The following DSCAM variants were observed in gnomAD, a reference collection of about 807,000 sequenced individuals.
The protein encoded by DSCAM is cell adhesion molecule DSCAM.
Under a neutral mutation model 217.7 loss-of-function variants are expected in DSCAM, and 47 were observed. That is an observed-to-expected ratio of 0.22 (90% CI 0.17 to 0.28). The LOEUF is 0.28. Among genes scored for constraint, DSCAM ranks in the 10% least tolerant of loss-of-function variants. DSCAM has a pLI of 1.00. For synonymous variants in DSCAM, 1,056 were observed against 1,015.3 expected (o/e 1.04, Z -0.76); for missense variants, 2,080 against 2,618.3 (o/e 0.79, Z 4.49).
At chr21:40,679,710 T>A (rs528569330) in intron 3 of DSCAM, among the ~76,000 whole-genome samples, 1 of 152,364 alleles carries the variant, frequency 6.6e-6, no homozygotes, top group Non-Finnish European at 1.5e-5. Flanking sequence ...TATATCATAC[T>A]TTTGCTATTT....
chr21:40,822,460 C>CT (rs948882449), intron 1 of DSCAM, among the ~76,000 whole-genome samples: 1 of 146,588 alleles, frequency 6.8e-6, no homozygotes, highest in Non-Finnish European at 1.5e-5. Context: ...AAAAAAAAGA[C>CT]TTTGTTACTT....
intron 8 of DSCAM, among the ~76,000 whole-genome samples, chr21:40,332,504 C>T (rs1162711822): frequency 6.6e-6 from 1 of 152,198 alleles, no homozygotes; most frequent in African/African-American, 2.4e-5. Flanking sequence ...TAAAAGGTGA[C>T]ATTTTTATCC....
At chr21:40,491,966 A>G (rs1182930044) in intron 3 of DSCAM, among the ~76,000 whole-genome samples, 1 of 152,194 alleles carries the variant, frequency 6.6e-6, no homozygotes, top group Non-Finnish European at 1.5e-5. Context: ...TAATTTACAT[A>G]TTTATTAGGT....
intron 3 of DSCAM, among the ~76,000 whole-genome samples, chr21:40,619,173 G>A (rs1003560267): frequency 6.6e-6 from 1 of 152,110 alleles, no homozygotes; most frequent in African/African-American, 2.4e-5. Flanking sequence ...ATAACAAAAG[G>A]AAGTAAACTT....
chr21:40,747,518 A>G (rs990195094), intron 1 of DSCAM, among the ~76,000 whole-genome samples: 1 of 151,806 alleles, frequency 6.6e-6, no homozygotes, highest in African/African-American at 2.4e-5. Flanking sequence ...GAAATAGAAA[A>G]TCTTAATAGA....
chr21:40,166,861 TTTGCC>T (rs1170514154), intron 16 of DSCAM, among the ~76,000 whole-genome samples: 1 of 152,110 alleles, frequency 6.6e-6, no homozygotes, highest in Non-Finnish European at 1.5e-5. Flanking sequence ...CACCGCATGC[TTTGCC>T]ATTTAAAAAA....
chr21:40,648,250 TACACACACACAC>T (rs10639388), intron 3 of DSCAM, among the ~76,000 whole-genome samples: 1 of 145,706 alleles, frequency 6.9e-6, no homozygotes, highest in Non-Finnish European at 1.5e-5. Flanking sequence ...CATATCCCTG[TACACACACACAC>T]ACACACACAC....
chr21:40,784,390 C>A (rs1363652392), intron 1 of DSCAM, among the ~76,000 whole-genome samples: 1 of 152,144 alleles, frequency 6.6e-6, no homozygotes, highest in Non-Finnish European at 1.5e-5. Context: ...GATTGTGAGG[C>A]CTCCCCAGCC....
At chr21:40,361,288 G>A (rs1248566947) in intron 4 of DSCAM, among the ~76,000 whole-genome samples, 1 of 152,036 alleles carries the variant, frequency 6.6e-6, no homozygotes, top group Non-Finnish European at 1.5e-5. Context: ...TTTCTTGATA[G>A]TTTTACTTTG....
chr21:40,800,748 C>A (rs1601281526), intron 1 of DSCAM, among the ~76,000 whole-genome samples: 1 of 142,738 alleles, frequency 7.0e-6, no homozygotes, highest in East Asian at 2.3e-4. Flanking sequence ...CGGAGTCTCA[C>A]TCTGTTGCCT....
At chr21:40,735,802 A>C (rs967213380) in intron 1 of DSCAM, among the ~76,000 whole-genome samples, 2 of 152,236 alleles carry the variant, frequency 1.3e-5, no homozygotes, top group African/African-American at 4.8e-5. Context: ...CCAAATGGGC[A>C]GACTTTTTTC....
chr21:40,715,177 G>A (rs1402512752), intron 1 of DSCAM, among the ~76,000 whole-genome samples: 2 of 152,166 alleles, frequency 1.3e-5, no homozygotes, highest in African/African-American at 2.4e-5. Flanking sequence ...AACAATTCAC[G>A]AAAGTTTCAC....
intron 11 of DSCAM, among the ~76,000 whole-genome samples, chr21:40,194,822 C>T (rs1438466762): frequency 6.6e-6 from 1 of 152,144 alleles, no homozygotes; most frequent in Non-Finnish European, 1.5e-5. Context: ...GCAGTCATGT[C>T]TCTTTCCCAT....
At chr21:40,039,512 GAC>G (rs1485106729) in intron 32 of DSCAM, among the ~76,000 whole-genome samples, 2 of 152,130 alleles carry the variant, frequency 1.3e-5, no homozygotes, top group Non-Finnish European at 2.9e-5. Flanking sequence ...TAATGTGCCA[GAC>G]ACAGTCTGGC....
intron 11 of DSCAM, among the ~76,000 whole-genome samples, chr21:40,247,980 C>A (rs2073248905): frequency 6.6e-6 from 1 of 152,220 alleles, no homozygotes. Flanking sequence ...AGGCTCAACA[C>A]CACATGGAAG....
At chr21:40,801,888 G>T (rs543467819) in intron 1 of DSCAM, among the ~76,000 whole-genome samples, 2 of 152,002 alleles carry the variant, frequency 1.3e-5, no homozygotes, top group African/African-American at 2.4e-5. Context: ...CTTGTCACAG[G>T]GGGGGTTGCC....
intron 10 of DSCAM, among the ~76,000 whole-genome samples, chr21:40,290,576 G>A (rs113782555): frequency 0.052 from 7,964 of 152,170 alleles, 694 homozygotes; most frequent in African/African-American, 0.18. Context: ...AGCCAAGATC[G>A]TGCCACTGCA....
intron 19 of DSCAM, among the ~76,000 whole-genome samples, chr21:40,125,370 G>A (rs2090082876): frequency 6.6e-6 from 1 of 152,202 alleles, no homozygotes; most frequent in Admixed American, 6.5e-5. Flanking sequence ...AGGCATCAGA[G>A]CTCTTGCTTT....
intron 32 of DSCAM, among the ~76,000 whole-genome samples, chr21:40,035,233 A>C (rs1182325735): frequency 1.1e-4 from 13 of 116,210 alleles, no homozygotes; most frequent in Admixed American, 2.6e-4. Context: ...TTGGATAAAG[A>C]GTCAAGACCC....
Sources: allele counts gnomAD v4.1 joint callset (sites outside exome capture counted in the v4.1 genomes callset), GRCh38; gene constraint gnomAD v4.1.1; transcripts MANE v1.5; gene names NCBI Gene and HGNC (gene_info 2026-07-23, HGNC 2026-07-21).